The following RBFOX1 variants were observed in gnomAD, a reference collection of about 807,000 sequenced individuals.
The protein encoded by RBFOX1 is RNA binding protein fox-1 homolog 1.
In RBFOX1, 8 loss-of-function variants were observed where a neutral mutation model predicts 57.7. The ratio of observed to expected loss-of-function variants is 0.14; its 90% CI spans 0.08 to 0.25. The LOEUF is 0.25. RBFOX1 is among the 10% of genes least tolerant of loss of function. RBFOX1 has a pLI of 1.00. For missense variants in RBFOX1, 611 were observed against 548.5 expected (o/e 1.11, Z -1.14); for synonymous variants, 326 against 222.4 (o/e 1.47, Z -4.15).
intron 6 of RBFOX1, among the ~76,000 whole-genome samples, chr16:7,581,212 T>G (rs1249903073): frequency 4.6e-5 from 7 of 152,232 alleles, no homozygotes. Context: ...TGCACTTTTA[T>G]CTCTCTCATT....
At chr16:6,018,220 G>C (rs973064383), upstream of RBFOX1, among the ~76,000 whole-genome samples, 1 of 151,934 alleles carries the variant, frequency 6.6e-6, no homozygotes, top group Non-Finnish European at 1.5e-5. Context: ...AAGGAAGGGA[G>C]GGAGGGAAAG....
chr16:5,364,675 G>A (rs9941216), intron 1 of RBFOX1, among the ~76,000 whole-genome samples: 4 of 152,182 alleles, frequency 2.6e-5, no homozygotes, highest in South Asian at 2.1e-4. Context: ...CACGCATCTC[G>A]GAAAACCCTG....
intron 4 of RBFOX1, among the ~76,000 whole-genome samples, chr16:7,273,373 C>T (rs979886360): frequency 2.0e-5 from 3 of 152,056 alleles, no homozygotes; most frequent in African/African-American, 7.2e-5. Flanking sequence ...ACCAGACCTC[C>T]TGTTGGACTG....
chr16:7,475,500 G>C (rs1031227240), intron 4 of RBFOX1, among the ~76,000 whole-genome samples: 1 of 151,956 alleles, frequency 6.6e-6, no homozygotes, highest in Non-Finnish European at 1.5e-5. Context: ...ATTTTTAGTA[G>C]AGACGGCGTT....
chr16:7,560,429 C>G (rs2090043001), intron 5 of RBFOX1, among the ~76,000 whole-genome samples: 1 of 56,546 alleles, frequency 1.8e-5, no homozygotes, highest in Non-Finnish European at 5.1e-5. Context: ...ATTCAAGTCT[C>G]CTAAATGAAA....
intron 4 of RBFOX1, among the ~76,000 whole-genome samples, chr16:7,305,734 G>A (rs149382470): frequency 1.3e-5 from 2 of 152,128 alleles, no homozygotes; most frequent in Admixed American, 1.3e-4. Flanking sequence ...TATTTCTTAG[G>A]TGTATTTTCT....
intron 2 of RBFOX1, among the ~76,000 whole-genome samples, chr16:6,361,980 T>C (rs752599100): frequency 1.1e-4 from 17 of 152,168 alleles, no homozygotes; most frequent in African/African-American, 3.1e-4. Flanking sequence ...GATTTGAAGA[T>C]ACAGCTGAGA....
At chr16:7,704,976 A>G (rs2081972083) in intron 14 of RBFOX1, among the ~76,000 whole-genome samples, 2 of 151,242 alleles carry the variant, frequency 1.3e-5, no homozygotes, top group African/African-American at 2.4e-5. Flanking sequence ...CCCAGAAGGC[A>G]GAGGTTAGAG....
intron 3 of RBFOX1, among the ~76,000 whole-genome samples, chr16:6,912,421 G>A (rs2153434845): frequency 6.6e-6 from 1 of 152,216 alleles, no homozygotes; most frequent in Admixed American, 6.5e-5. Context: ...GAAATGAGGT[G>A]TCTGTTCTCT....
At chr16:6,182,944 A>C (rs2097075817) in intron 1 of RBFOX1, among the ~76,000 whole-genome samples, 1 of 152,190 alleles carries the variant, frequency 6.6e-6, no homozygotes, top group Non-Finnish European at 1.5e-5. Flanking sequence ...TGTTTATACT[A>C]ATTTAGTAGT....
At chr16:5,366,646 C>A in intron 1 of RBFOX1, 2 of 429,392 alleles carry the variant, frequency 4.7e-6, no homozygotes, top group Non-Finnish European at 4.4e-6. Flanking sequence ...GATGACTGAC[C>A]AGGAGGCTAT....
At chr16:7,618,559 T>C (rs1047997871) in intron 10 of RBFOX1, among the ~76,000 whole-genome samples, 2 of 152,202 alleles carry the variant, frequency 1.3e-5, no homozygotes, top group African/African-American at 4.8e-5. Context: ...TAACTTGTTA[T>C]CATTAGATTA....
At chr16:6,695,933 T>C (rs901106191) in intron 3 of RBFOX1, among the ~76,000 whole-genome samples, 2 of 152,206 alleles carry the variant, frequency 1.3e-5, no homozygotes, top group Non-Finnish European at 2.9e-5. Flanking sequence ...GACAACTGAC[T>C]GTTCCTTTTA....
intron 3 of RBFOX1, among the ~76,000 whole-genome samples, chr16:5,640,130 G>A (rs964061571): frequency 9.9e-5 from 15 of 152,112 alleles, no homozygotes; most frequent in African/African-American, 3.6e-4. Flanking sequence ...GGTAGAAGTG[G>A]CCGCTTACCC....
intron 1 of RBFOX1, among the ~76,000 whole-genome samples, chr16:5,414,122 C>A (rs1265283497): frequency 6.6e-6 from 1 of 152,134 alleles, no homozygotes; most frequent in African/African-American, 2.4e-5. Flanking sequence ...CAAGTGCACT[C>A]CCGACCTGAA....
chr16:5,883,197 G>T (rs2057806759), intron 4 of RBFOX1, among the ~76,000 whole-genome samples: 1 of 151,548 alleles, frequency 6.6e-6, no homozygotes, highest in African/African-American at 2.4e-5. Flanking sequence ...ATTTTTTTTT[G>T]CAGGAGGAGA....
intron 3 of RBFOX1, among the ~76,000 whole-genome samples, chr16:6,771,850 C>A (rs746298125): frequency 5.3e-5 from 8 of 152,152 alleles, no homozygotes; most frequent in African/African-American, 1.9e-4. Flanking sequence ...GCAGAAGATG[C>A]ATTACTGTCA....
intron 4 of RBFOX1, among the ~76,000 whole-genome samples, chr16:5,981,765 G>A (rs775601585): frequency 9.9e-5 from 15 of 152,010 alleles, no homozygotes; most frequent in Non-Finnish European, 1.9e-4. Context: ...CGCTGTGCCC[G>A]GCCGTGTGAT....
intron 4 of RBFOX1, among the ~76,000 whole-genome samples, chr16:7,486,479 C>G (rs2065428063): frequency 6.6e-6 from 1 of 152,088 alleles, no homozygotes; most frequent in South Asian, 2.1e-4. Context: ...TCCAGTTAAT[C>G]TTACCTTGGG....
Sources: gnomAD v4.1 joint callset for allele counts (sites outside exome capture counted in the v4.1 genomes callset) on GRCh38, gnomAD v4.1.1 for gene constraint, MANE v1.5 for transcripts, NCBI Gene and HGNC (gene_info 2026-07-23, HGNC 2026-07-21) for gene names.